Variants in COG1 observed in about 807,000 individuals in gnomAD.
COG1 encodes the protein conserved oligomeric Golgi complex subunit 1.
Under a neutral mutation model 102.2 loss-of-function variants are expected in COG1, and 61 were observed. The ratio of observed to expected loss-of-function variants is 0.60; its 90% CI spans 0.49 to 0.74. COG1 has a LOEUF of 0.74. COG1 is among the 30% of genes least tolerant of loss of function. COG1 has a pLI of 0.00. For missense variants in COG1, 1,164 were observed against 1,232.1 expected (o/e 0.94, Z 0.83); for synonymous variants, 454 against 493.6 (o/e 0.92, Z 1.06).
rs772698412 is a variant in COG1 at position 73,206,209 on chromosome 17, G to A, written c.2566G>A (p.Val856Ile). ...EALIDPFDLD[V>I]FTPHLNSNLH... ...CCTCATTGATCCATTTGACCTGGAC[G>A]TTTTCACGCCACACCTCAACAGCAA... The change falls in exon 11 of 14, where the codon GTT becomes ATT. Residue 856 changes from valine (V) to isoleucine (I), a missense_variant. Transcript: ENST00000299886. 12 of 1,614,148 alleles carry A rather than the reference G, an allele frequency of 7.4e-6. No homozygotes were observed. Among genetic ancestry groups the A allele is most frequent in the East Asian group, 2.2e-5 (1 of 44,884 alleles).
rs150055852 is a variant in COG1, at chr17:73,201,283, G to A, written c.1456G>A (p.Asp486Asn). ...WSESPNDLPS[D>N]AAWVSVANRG... The stretch of plus-strand genomic sequence containing the variant: ...TGAGAGTCCTAATGACCTGCCTTCC[G>A]ATGCGGCCTGGGTCAGCGTGGCAAA... Residue 486 changes from aspartate (D) to asparagine (N), a missense_variant, in exon 7 of 14, where the codon GAT becomes AAT. By Grantham distance (23) the Asp-to-Asn change is conservative. Transcript: ENST00000299886. 10 of 1,614,068 alleles carry A rather than the reference G, an allele frequency of 6.2e-6. No homozygotes were observed. The highest frequency in any genetic ancestry group is 8.5e-6 in the Non-Finnish European group (10 of 1,180,048).
At chr17:73,202,864 C>T (rs969856491) in intron 7 of COG1, 136 bp from the exon 8 acceptor site, 1 of 931,248 alleles carries the variant, frequency 1.1e-6, no homozygotes, top group Admixed American at 1.8e-5. Context: ...TGATAATTAG[C>T]CAAAAGAGGA....
chr17:73,205,850 A>G (rs2061368590), intron 10 of COG1, 170 bp downstream of exon 10: 1 of 855,876 alleles, frequency 1.2e-6, no homozygotes, highest in African/African-American at 1.7e-5. Context: ...CCTGCTGGAT[A>G]AATGCAATGG....
In COG1 at chr17:73,194,824, G is replaced by A. The variant is rs560773419; in HGVS notation, c.315+1440G>A. On this transcript the variant is annotated intron_variant, in intron 1 of 13. Transcript: ENST00000299886. Reference sequence around the variant, plus strand: ...TGAAAGGGCATGAAGGGTGAAAAAGGTAAACAGTTAGTTGTTTTTAACAGC... The same window carrying A: ...TGAAAGGGCATGAAGGGTGAAAAAGATAAACAGTTAGTTGTTTTTAACAGC... Among the ~76,000 whole-genome samples, 18 of 152,340 alleles carry A rather than the reference G, an allele frequency of 1.2e-4. No individual in the cohort carries two copies. In the South Asian group the frequency reaches 3.7e-3, roughly 32 times the overall value.
chr17:73,203,540 A>C, intron 8 of COG1, 92 bp from the exon 9 acceptor site: 1 of 1,487,724 alleles, frequency 6.7e-7, no homozygotes. Context: ...AAGTCCTGGC[A>C]CATAGGCCTT....
In COG1 at chr17:73,201,584, G is replaced by T. The variant is rs769310036; in HGVS notation, c.1757G>T (p.Arg586Leu). ...ACIKHIVDCI[R>L]AELQSIEEGV... ...ATCAAGCACATCGTGGACTGCATCC[G>T]GGCAGAGCTACAGAGCATTGAAGAG... The change falls in exon 7 of 14, where the codon CGG (arginine) becomes CTG (leucine). Residue 586 changes from arginine to leucine, a missense_variant. Transcript: ENST00000299886. 6.2e-7 allele frequency: 1 copy of T among 1,614,184 alleles called. No individual in the cohort carries two copies. The highest frequency in any genetic ancestry group is 8.5e-7 in the Non-Finnish European group (1 of 1,180,040).
Position 73,203,088 on chromosome 17 carries a change from T to A in COG1, c.2162T>A (p.Ile721Asn). The change falls in exon 8 of 14, where the codon ATT (isoleucine) becomes AAT (asparagine). Residue 721 changes from isoleucine (I) to asparagine (N), a missense_variant. By Grantham distance (149) the Ile-to-Asn change is moderately radical. Coordinates refer to ENST00000299886, the MANE Select transcript of COG1 (RefSeq NM_018714.3). ...ATATSWDELEIQEEAESGSSV... is the reference protein window; with the variant it reads ...ATATSWDELENQEEAESGSSV... ...GCCACCAGCTGGGATGAGCTAGAAATTCAGGAGGAGGCAGAGTCTGGCAGC... is the reference window on the plus strand; with the variant it reads ...GCCACCAGCTGGGATGAGCTAGAAAATCAGGAGGAGGCAGAGTCTGGCAGC... 6.2e-7 allele frequency: 1 copy of A among 1,614,148 alleles called. No homozygotes were observed.
chr17:73,208,176 G>A, intron 13 of COG1, 138 bp from the exon 14 acceptor site: 1 of 1,548,310 alleles, frequency 6.5e-7, no homozygotes, highest in Non-Finnish European at 8.7e-7. Context: ...CGACAGCAAA[G>A]TCCTCTGACT....
Position 73,205,621 on chromosome 17 carries a change from C to A in COG1, c.2451C>A (p.Asn817Lys). ...TGCTTTATGATCTGCGTTACCTCAA[C>A]ATTGTTCTGACAGCCAAGGGTGACG... Reference protein sequence around the residue: ...LQLLYDLRYLNIVLTAKGDEV... With the variant: ...LQLLYDLRYLKIVLTAKGDEV... The change falls in exon 10 of 14, where the codon AAC becomes AAA. Residue 817 changes from asparagine to lysine, a missense_variant. Asn to Lys is a moderately conservative substitution (Grantham distance 94, BLOSUM62 0). Transcript: ENST00000299886. The A allele has an allele frequency of 6.2e-7, 1 of 1,614,170 alleles. No individual in the cohort carries two copies.
At chr17:73,195,927 G>C (rs2061323537) in intron 1 of COG1, among the ~76,000 whole-genome samples, 1 of 152,190 alleles carries the variant, frequency 6.6e-6, no homozygotes, top group African/African-American at 2.4e-5. Context: ...TTAGTAAGGA[G>C]GGACCTTAAG....
At chr17:73,206,557 A>T in intron 11 of COG1, 151 bp from the exon 12 acceptor site, 1 of 711,974 alleles carries the variant, frequency 1.4e-6, no homozygotes, top group South Asian at 1.5e-5. Flanking sequence ...GGCAGTGATA[A>T]AAAGTAATCG....
At chr17:73,206,672 C>A in intron 11 of COG1, 36 bp from the exon 12 acceptor site, 1 of 1,302,862 alleles carries the variant, frequency 7.7e-7, no homozygotes, top group South Asian at 1.2e-5. Flanking sequence ...CTTTTACCTG[C>A]ACAATGAAAC....
chr17:73,195,159 A>G (rs1408692964), intron 1 of COG1, among the ~76,000 whole-genome samples: 2 of 152,220 alleles, frequency 1.3e-5, no homozygotes, highest in African/African-American at 4.8e-5. Context: ...ATTGATTTTC[A>G]TAGTTGTTAT....
intron 10 of COG1, 34 bp from the exon 11 acceptor site, chr17:73,206,120 A>T: frequency 6.7e-7 from 1 of 1,498,170 alleles, no homozygotes. Flanking sequence ...ATCCTAAAAA[A>T]TGTGGACAGT....
At chr17:73,208,128 A>G (rs897763480) in intron 13 of COG1, 186 bp from the exon 14 acceptor site, 2 of 1,470,338 alleles carry the variant, frequency 1.4e-6, no homozygotes, top group African/African-American at 2.8e-5. Flanking sequence ...TTTTGTCACA[A>G]AGGCTCATGC....
rs555779654 is a variant in COG1 at position 73,193,480 on chromosome 17, C to T, written c.315+96C>T. The T allele has an allele frequency of 7.9e-6, 10 of 1,264,010 alleles. No homozygotes were observed. In the South Asian group the frequency reaches 1.9e-4, roughly 24 times the overall value. The allele number at this position is 1,264,010 out of a possible 1,614,324, so 78.3% of individuals were successfully genotyped here. ...CGCCCCCCTCTGTCAGTCCCAGACC[C>T]CGCGAGTCCTCACCTTCCTTAGCCA... On this transcript the variant is annotated intron_variant, in intron 1 of 13. Coordinates refer to ENST00000299886, the MANE Select transcript of COG1 (RefSeq NM_018714.3).
intron 13 of COG1, 70 bp downstream of exon 13, chr17:73,207,326 C>A: frequency 7.3e-7 from 1 of 1,361,722 alleles, no homozygotes; most frequent in Non-Finnish European, 1.0e-6. Flanking sequence ...CCATGATCAG[C>A]TCCCTTTTAA....
Position 73,193,262 on chromosome 17 carries a change from A to G in COG1, c.193A>G (p.Thr65Ala), listed in dbSNP as rs1318988030. ...RYRDLIEAAD[T>A]IGQMRRCAVG... ...CCGCGACCTGATCGAGGCGGCCGAC[A>G]CCATCGGCCAGATGCGCCGCTGCGC... is the stretch of plus-strand genomic sequence containing the variant. The change falls in exon 1 of 14, where the codon ACC becomes GCC. Residue 65 changes from threonine (T) to alanine (A), a missense_variant. By Grantham distance (58) the Thr-to-Ala change is moderately conservative. Transcript: ENST00000299886. 1 of 1,606,796 alleles carries G rather than the reference A, an allele frequency of 6.2e-7. No homozygotes were observed. The highest frequency in any genetic ancestry group is 1.7e-4 in the Middle Eastern group (1 of 5,920).
At chr17:73,197,518 G>C in intron 4 of COG1, 122 bp downstream of exon 4, 2 of 1,044,380 alleles carry the variant, frequency 1.9e-6, no homozygotes, top group Non-Finnish European at 2.9e-6. Flanking sequence ...GACAAATAGA[G>C]GCCCTTCCTT....
Sources: allele counts gnomAD v4.1 joint callset (sites outside exome capture counted in the v4.1 genomes callset), GRCh38; gene constraint gnomAD v4.1.1; transcripts MANE v1.5; gene names NCBI Gene and HGNC (gene_info 2026-07-23, HGNC 2026-07-21).